Variants in CPD observed in about 807,000 individuals in gnomAD.
The protein encoded by CPD is metallocarboxypeptidase D.
A neutral mutation model predicts 138.3 loss-of-function variants in CPD; 69 were observed. The observed-to-expected ratio is 0.50, with a 90% CI of 0.41 to 0.61. The LOEUF is 0.61. Among genes scored for constraint, CPD ranks in the 20% least tolerant of loss-of-function variants. The probability of loss-of-function intolerance (pLI) is 0.00; values close to 1 mark genes in which losing one functional copy is unlikely to be tolerated. For missense variants in CPD, 1,432 were observed against 1,733.3 expected, an observed-to-expected ratio of 0.83 and a Z score of 3.09; for synonymous variants, 651 against 642.1, an observed-to-expected ratio of 1.01 and a Z score of -0.21.
At position 30,431,775 on chromosome 17, in the gene CPD, C is replaced by A; in HGVS notation, c.2021C>A (p.Ser674Tyr). 1 of 1,604,516 alleles carries A rather than the reference C, an allele frequency of 6.2e-7. No individual in the cohort carries two copies. ...ATTTTCCTCTTTTCCCTTATAGGTT[C>A]TTTGGTGGTTAACTACCCTTTTGAT... ...FVLSANLHGGSLVVNYPFDDD... is the reference protein window; with the variant it reads ...FVLSANLHGGYLVVNYPFDDD... The change falls in exon 8 of 21, where the codon TCT (serine) becomes TAT (tyrosine). Residue 674 changes from serine to tyrosine, a missense_variant. This residue lies in a region of CPD where 297 missense variants were observed against 405.3 expected (regional missense o/e 0.73). Transcript: ENST00000225719.
At chr17:30,422,179 T>C (rs1912283715) in intron 4 of CPD, among the ~76,000 whole-genome samples, 1 of 152,198 alleles carries the variant, frequency 6.6e-6, no homozygotes, top group Non-Finnish European at 1.5e-5. Context: ...AACTGTCTTA[T>C]CAGCTTTCTA....
In CPD at chr17:30,397,137, G is replaced by A. The variant is rs189304291; in HGVS notation, c.994+11901G>A. On this transcript the variant is annotated intron_variant, in intron 2 of 20. Transcript: ENST00000225719. ...CACCCCCAATTTTTCTTTGAAAGAT[G>A]TATTTTCAGTAATTATTTCTTATAT... is the stretch of plus-strand genomic sequence containing the variant. Among the ~76,000 whole-genome samples the A allele has an allele frequency of 4.3e-4, 65 of 152,032 alleles. No homozygotes were observed. In the South Asian group the frequency reaches 6.0e-3, roughly 14 times the overall value.
intron 2 of CPD, among the ~76,000 whole-genome samples, chr17:30,392,002 G>T (rs887752681): frequency 2.7e-5 from 4 of 150,356 alleles, no homozygotes; most frequent in Non-Finnish European, 1.5e-5. Flanking sequence ...TTGATCTTTG[G>T]ATAATCTTTT....
At chr17:30,427,303 C>G in intron 6 of CPD, 88 bp from the exon 7 acceptor site, 1 of 1,227,470 alleles carries the variant, frequency 8.1e-7, no homozygotes, top group South Asian at 1.4e-5. Flanking sequence ...TCACATTTGC[C>G]TTGAGTTAAG....
chr17:30,433,482 T>C (rs1176435466), intron 8 of CPD, among the ~76,000 whole-genome samples: 1 of 152,208 alleles, frequency 6.6e-6, no homozygotes, highest in Non-Finnish European at 1.5e-5. Context: ...TCAATGATTC[T>C]CCTAAGGGTC....
At chr17:30,426,920 C>T (rs1018001491) in intron 6 of CPD, among the ~76,000 whole-genome samples, 1 of 152,144 alleles carries the variant, frequency 6.6e-6, no homozygotes, top group Non-Finnish European at 1.5e-5. Flanking sequence ...GTGGCTCACT[C>T]CTGTAATCCT....
chr17:30,379,165 A>T lies in CPD; in HGVS notation c.185A>T (p.Glu62Val). Residue 62 changes from glutamate to valine, a missense_variant, in exon 1 of 21, where the codon GAG becomes GTG. Glu to Val is a moderately radical substitution (Grantham distance 121). Coordinates refer to ENST00000225719, the MANE Select transcript of CPD (RefSeq NM_001304.5). The surrounding 1 kb of genome is among the most constrained non-coding windows in gnomAD (Gnocchi z 7.0). ...CAGTTCGACCGCTACTACCACGAAG[A>T]GGAGTTGGAGTCGGCGCTGAGGGAG... ...EGQFDRYYHE[E>V]ELESALREAA... The T allele has an allele frequency of 6.5e-7, 1 of 1,534,878 alleles. No individual in the cohort carries two copies. Among genetic ancestry groups the T allele is most frequent in the Non-Finnish European group, 8.7e-7 (1 of 1,144,166 alleles).
Position 30,442,334 on chromosome 17 carries a change from C to G in CPD, c.2257C>G (p.Gln753Glu). 6.2e-7 allele frequency: 1 copy of G among 1,613,062 alleles called. No homozygotes were observed. Among genetic ancestry groups the G allele is most frequent in the Non-Finnish European group, 8.5e-7 (1 of 1,179,322 alleles). ...AGGAATGCAGGACTGGAACTATTTACAAACAAATTGCTTTGAAGTGACTAT... is the reference window on the plus strand; with the variant it reads ...AGGAATGCAGGACTGGAACTATTTAGAAACAAATTGCTTTGAAGTGACTAT... ...PGGMQDWNYL[Q>E]TNCFEVTIEL... The change falls in exon 10 of 21, where the codon CAA (glutamine) becomes GAA (glutamate). Residue 753 changes from glutamine (Q) to glutamate (E), a missense_variant. Gln to Glu is a conservative substitution (Grantham distance 29, BLOSUM62 2). This residue lies in a region of CPD where 297 missense variants were observed against 405.3 expected (regional missense o/e 0.73). Transcript: ENST00000225719.
intron 2 of CPD, among the ~76,000 whole-genome samples, chr17:30,419,699 A>G (rs747906544): frequency 2.0e-5 from 3 of 152,190 alleles, no homozygotes; most frequent in Non-Finnish European, 4.4e-5. Flanking sequence ...GTCTTTTGTG[A>G]TCATCTAACA....
At chr17:30,442,527 A>G (rs1033728428) in intron 10 of CPD, 77 bp downstream of exon 10, 2 of 1,431,602 alleles carry the variant, frequency 1.4e-6, no homozygotes, top group Non-Finnish European at 1.9e-6. Context: ...GTTTTTGTGC[A>G]GTGATTTTGG....
At chr17:30,392,008 CTTTT>C (rs869193468) in intron 2 of CPD, among the ~76,000 whole-genome samples, 2 of 134,254 alleles carry the variant, frequency 1.5e-5, no homozygotes, top group Non-Finnish European at 1.6e-5. Flanking sequence ...TTTGGATAAT[CTTTT>C]TTTTTTTTTT....
At chr17:30,408,926 C>T (rs1471393859) in intron 2 of CPD, among the ~76,000 whole-genome samples, 1 of 152,034 alleles carries the variant, frequency 6.6e-6, no homozygotes, top group East Asian at 1.9e-4. Context: ...AAAAAACTGG[C>T]ACAGTATTCT....
intron 2 of CPD, among the ~76,000 whole-genome samples, chr17:30,388,373 G>A (rs1189763638): frequency 6.6e-6 from 1 of 152,148 alleles, no homozygotes; most frequent in South Asian, 2.1e-4. Flanking sequence ...ATGGCACCCC[G>A]GCTGCTCGTG....
At chr17:30,453,160 G>A (rs146221619) in intron 14 of CPD, among the ~76,000 whole-genome samples, 3,974 of 152,180 alleles carry the variant, frequency 0.026, 89 homozygotes, top group Admixed American at 0.042. Context: ...CTTCCCAACA[G>A]TCCCCCAAAG....
intron 17 of CPD, among the ~76,000 whole-genome samples, chr17:30,459,224 T>C (rs2143507690): frequency 6.7e-6 from 1 of 148,352 alleles, no homozygotes; most frequent in African/African-American, 2.4e-5. Flanking sequence ...TTATTTATTA[T>C]TTATTATTTA....
Position 30,445,758 on chromosome 17 carries a change from G to T in CPD, c.2611G>T (p.Val871Phe), listed in dbSNP as rs760882597. The change falls in exon 12 of 21, where the codon GTT becomes TTT. Residue 871 changes from valine (V) to phenylalanine (F), a missense_variant. Transcript: ENST00000225719. ...EGAIQVNFTLVRSSTDSNNES... is the reference protein window; with the variant it reads ...EGAIQVNFTLFRSSTDSNNES... ...CGCTATTCAGGTCAACTTCACACTT[G>T]TTCGATCCTCAACAGATTCAAACAA... The T allele has an allele frequency of 6.2e-7, 1 of 1,613,820 alleles. No homozygotes were observed. Among genetic ancestry groups the T allele is most frequent in the South Asian group, 1.1e-5 (1 of 91,050 alleles).
intron 6 of CPD, among the ~76,000 whole-genome samples, chr17:30,427,000 G>T (rs560092060): frequency 6.6e-6 from 1 of 152,026 alleles, no homozygotes; most frequent in Non-Finnish European, 1.5e-5. Context: ...GGCCAACATG[G>T]TGAAACCCCA....
At chr17:30,393,648 A>G in intron 2 of CPD, among the ~76,000 whole-genome samples, 1 of 152,318 alleles carries the variant, frequency 6.6e-6, no homozygotes, top group Middle Eastern at 3.4e-3. Flanking sequence ...AATAACATAA[A>G]TAAACCAATC....
At chr17:30,391,401 A>C (rs1461275926) in intron 2 of CPD, among the ~76,000 whole-genome samples, 3 of 152,240 alleles carry the variant, frequency 2.0e-5, no homozygotes, top group South Asian at 2.1e-4. Context: ...CCCTGTCTCC[A>C]AGAAAACAAA....
Sources: allele counts gnomAD v4.1 joint callset (sites outside exome capture counted in the v4.1 genomes callset), GRCh38; gene constraint gnomAD v4.1.1; regional missense constraint gnomAD v4.1.1; non-coding constraint Gnocchi (gnomAD v3.1); transcripts MANE v1.5; gene names NCBI Gene and HGNC (gene_info 2026-07-23, HGNC 2026-07-21).